PAM: variants seen among roughly 807,000 people sequenced by gnomAD.
PAM encodes the protein peptidylglycine alpha-amidating monooxygenase.
PAM carries 72 observed loss-of-function variants against 122.1 expected under a neutral mutation model. The observed-to-expected ratio is 0.59, with a 90% confidence interval of 0.49 to 0.72. The LOEUF is 0.72. PAM is among the 30% of genes least tolerant of loss of function. The pLI is 0.00. For synonymous variants in PAM, 389 were observed against 404.4 expected, an observed-to-expected ratio of 0.96 and a Z score of 0.46; for missense variants, 1,106 against 1,183.7, an observed-to-expected ratio of 0.93 and a Z score of 0.96.
Position 102,950,802 on chromosome 5 carries a change from C to A in PAM, c.887C>A (p.Thr296Lys), listed in dbSNP as rs1377784681. The change falls in exon 12 of 26, where the codon ACA becomes AAA. Residue 296 changes from threonine (T) to lysine (K), a missense_variant. Physicochemically the swap from Thr to Lys is moderately conservative, Grantham distance 78. This residue lies in a region of PAM where 670 missense variants were observed against 690.3 expected (regional missense o/e 0.97). Transcript: ENST00000438793. ...ARCVFTGEGR[T>K]EATHIGGTSS... ...TGTGTATTCACTGGTGAAGGAAGGA[C>A]AGAAGCCACACACATTGGGTATGAT... 2 of 1,602,112 alleles carry A rather than the reference C, an allele frequency of 1.2e-6. No homozygotes were observed. Among genetic ancestry groups the A allele is most frequent in the Non-Finnish European group, 1.7e-6 (2 of 1,169,614 alleles).
intron 14 of PAM, among the ~76,000 whole-genome samples, chr5:102,971,009 G>A (rs181944847): frequency 5.7e-4 from 86 of 152,160 alleles, no homozygotes; most frequent in African/African-American, 1.7e-3. Context: ...GTTTCACCAC[G>A]TAGGCCAGGC....
chr5:102,798,933 A>G (rs1195669925), intron 1 of PAM, among the ~76,000 whole-genome samples: 2 of 152,192 alleles, frequency 1.3e-5, no homozygotes, highest in African/African-American at 4.8e-5. Flanking sequence ...TAAAAATCCT[A>G]TTGCTTAGGA....
chr5:102,931,399 T>C (rs561410515), intron 7 of PAM, among the ~76,000 whole-genome samples: 20 of 152,316 alleles, frequency 1.3e-4, no homozygotes, highest in South Asian at 1.0e-3. Context: ...ATAGTGAGAA[T>C]TGGGGATTCC....
At chr5:102,916,787 C>A (rs1272999491) in intron 5 of PAM, among the ~76,000 whole-genome samples, 1 of 149,286 alleles carries the variant, frequency 6.7e-6, no homozygotes, top group Non-Finnish European at 1.5e-5. Context: ...GGTTCTAGTG[C>A]AGTGGTGCGA....
At chr5:102,950,437 G>GTGTGTGTGTGTGTGTGTC (rs1338392474) in intron 11 of PAM, among the ~76,000 whole-genome samples, 1 of 151,618 alleles carries the variant, frequency 6.6e-6, no homozygotes, top group African/African-American at 2.4e-5. Flanking sequence ...GTGTGTGTGT[G>GTGTGTGTGTGTGTGTGTC]TGTCTATTTC....
rs1266460610 is a variant in PAM at position 103,009,771 on chromosome 5, G to A, written c.2236G>A (p.Gly746Arg). 1 of 1,609,130 alleles carries A rather than the reference G, an allele frequency of 6.2e-7. No individual in the cohort carries two copies. The highest frequency in any genetic ancestry group is 1.1e-5 in the South Asian group (1 of 90,936). The change falls in exon 21 of 26, where the codon GGG becomes AGG. Residue 746 changes from glycine (G) to arginine (R), a missense_variant. Gly to Arg is a moderately radical substitution (Grantham distance 125). This residue lies in a region of PAM where 333 missense variants were observed against 335.6 expected (regional missense o/e 0.99). Transcript: ENST00000438793. ...YIPGLLFAVN[G>R]KPHFGDQEPV... ...TGCAGGCTTGCTCTTTGCAGTGAAT[G>A]GGAAGCCTCATTTTGGGGACCAAGA...
At chr5:102,833,548 G>A (rs1776039607) in intron 1 of PAM, among the ~76,000 whole-genome samples, 3 of 152,264 alleles carry the variant, frequency 2.0e-5, no homozygotes, top group African/African-American at 7.2e-5. Context: ...CTATTTCAAT[G>A]TGGACATTGA....
chr5:102,851,626 GAT>G (rs1215542223), intron 1 of PAM, among the ~76,000 whole-genome samples: 6 of 152,170 alleles, frequency 3.9e-5, no homozygotes, highest in Admixed American at 2.6e-4. Flanking sequence ...TTTGTGAAAA[GAT>G]GAGACAATTG....
chr5:102,764,744 A>G (rs1753379941), intron 1 of PAM, among the ~76,000 whole-genome samples: 2 of 152,216 alleles, frequency 1.3e-5, no homozygotes, highest in Admixed American at 6.5e-5. Flanking sequence ...TAACACAGCT[A>G]CTAGAACAGC....
At chr5:102,776,650 T>A (rs764822169) in intron 1 of PAM, among the ~76,000 whole-genome samples, 2 of 152,126 alleles carry the variant, frequency 1.3e-5, no homozygotes, top group African/African-American at 2.4e-5. Flanking sequence ...TTTAAAAAAT[T>A]GTGGTAAAGA....
chr5:103,005,285 G>C, intron 18 of PAM, 59 bp downstream of exon 18: 1 of 898,868 alleles, frequency 1.1e-6, no homozygotes, highest in South Asian at 1.3e-5. Context: ...CTTTTGAAGA[G>C]CTCTGGAGTT....
At chr5:102,777,661 G>C (rs1195678034) in intron 1 of PAM, among the ~76,000 whole-genome samples, 1 of 152,116 alleles carries the variant, frequency 6.6e-6, no homozygotes, top group African/African-American at 2.4e-5. Context: ...CAGCCCTTCA[G>C]CTAAGAGGTA....
In PAM at chr5:103,002,957, A is replaced by C. The variant is rs1370894471; in HGVS notation, c.1614-76A>C. 4 of 736,940 alleles carry C rather than the reference A, an allele frequency of 5.4e-6. No homozygotes were observed. In the East Asian group the frequency reaches 1.0e-4, roughly 18 times the overall value. The allele number at this position is 736,940 out of a possible 1,614,324, so 45.7% of individuals were successfully genotyped here. On this transcript the variant is annotated intron_variant, in intron 16 of 25. Coordinates refer to ENST00000438793, the MANE Select transcript of PAM (RefSeq NM_001177306.2). Reference sequence around the variant, plus strand: ...TTTGAGCTCTTTTGATTTTGTATTTATGTGAATGGTCTGCATTTCTCAATT... The same window carrying C: ...TTTGAGCTCTTTTGATTTTGTATTTCTGTGAATGGTCTGCATTTCTCAATT...
intron 1 of PAM, among the ~76,000 whole-genome samples, chr5:102,862,197 T>G (rs950740589): frequency 6.7e-6 from 1 of 149,278 alleles, no homozygotes; most frequent in Non-Finnish European, 1.5e-5. Flanking sequence ...AAATTGCCTG[T>G]GGCTTTAAAA....
rs183089892 is a variant in PAM at position 102,902,573 on chromosome 5, T to C, written c.268+1160T>C. On this transcript the variant is annotated intron_variant, in intron 4 of 25. Coordinates refer to ENST00000438793, the MANE Select transcript of PAM (RefSeq NM_001177306.2). ...AGACAAAAATAATTTAAGTTTCTAA[T>C]TGTAGTGCTTTGAGTAACACTAAAT... Among the ~76,000 whole-genome samples the C allele has an allele frequency of 1.3e-3, 192 of 151,724 alleles. 1 individual carries two copies. Among genetic ancestry groups the C allele is most frequent in the African/African-American group, 4.4e-3 (184 of 41,504 alleles).
At chr5:102,806,335 C>T (rs1406800141) in intron 1 of PAM, among the ~76,000 whole-genome samples, 1 of 152,172 alleles carries the variant, frequency 6.6e-6, no homozygotes, top group Non-Finnish European at 1.5e-5. Context: ...AAGCCCAGAA[C>T]AGAGTTCGAT....
chr5:102,938,244 T>A (rs1753924906), intron 7 of PAM, among the ~76,000 whole-genome samples: 1 of 152,188 alleles, frequency 6.6e-6, no homozygotes, highest in East Asian at 1.9e-4. Flanking sequence ...TTGTTAATCA[T>A]CTTTAGTATG....
At chr5:103,021,325 G>A (rs567648126) in intron 23 of PAM, among the ~76,000 whole-genome samples, 1 of 152,220 alleles carries the variant, frequency 6.6e-6, no homozygotes, top group South Asian at 2.1e-4. Context: ...CTGCAGGTTG[G>A]GAATGGTTAT....
intron 22 of PAM, 44 bp downstream of exon 22, chr5:103,017,477 GA>G: frequency 8.4e-7 from 1 of 1,193,990 alleles, no homozygotes; most frequent in Non-Finnish European, 1.2e-6. Flanking sequence ...CCCTCAGTTT[GA>G]TTGCTTAAAA....
Sources: allele counts gnomAD v4.1 joint callset (sites outside exome capture counted in the v4.1 genomes callset), GRCh38; gene constraint gnomAD v4.1.1; regional missense constraint gnomAD v4.1.1; transcripts MANE v1.5; gene names NCBI Gene and HGNC (gene_info 2026-07-23, HGNC 2026-07-21).